Variants in LRRIQ3 observed in about 807,000 individuals in gnomAD.
LRRIQ3 encodes the protein leucine rich repeats and IQ motif containing 3, also known as leucine-rich repeat and IQ domain-containing protein 3.
In LRRIQ3, 75 loss-of-function variants were observed where a neutral mutation model predicts 59.3. That is an observed-to-expected ratio of 1.26 (90% confidence interval 1.05 to 1.53). LRRIQ3 has a LOEUF of 1.53. Among genes scored for constraint, LRRIQ3 ranks in the 40% most tolerant of loss-of-function variants. The pLI is 0.00. For synonymous variants in LRRIQ3, 250 were observed against 231.3 expected (o/e 1.08, Z -0.73); for missense variants, 831 against 710.0 (o/e 1.17, Z -1.94).
chr1:74,045,397 G>C (rs553430841), intron 6 of LRRIQ3, among the ~76,000 whole-genome samples: 1 of 152,202 alleles, frequency 6.6e-6, no homozygotes, highest in South Asian at 2.1e-4. Context: ...AAAGGCCTTC[G>C]ACAAAATTCA....
intron 4 of LRRIQ3, among the ~76,000 whole-genome samples, chr1:74,152,211 T>TA (rs1378747127): frequency 1.3e-5 from 2 of 151,830 alleles, no homozygotes; most frequent in Non-Finnish European, 2.9e-5. Context: ...AAAACTAATT[T>TA]TATATATAAA....
chr1:74,075,690 T>C (rs931384562), intron 5 of LRRIQ3, among the ~76,000 whole-genome samples: 3 of 152,052 alleles, frequency 2.0e-5, no homozygotes, highest in African/African-American at 4.8e-5. Flanking sequence ...TGTGAACTGG[T>C]TGGGATGTTT....
chr1:74,102,032 C>A (rs1372084236), intron 5 of LRRIQ3, among the ~76,000 whole-genome samples: 1 of 149,754 alleles, frequency 6.7e-6, no homozygotes, highest in African/African-American at 2.5e-5. Flanking sequence ...ACGTTGTGCA[C>A]ATGTACCCTA....
rs1441447923 is a variant in LRRIQ3 at position 74,046,163 on chromosome 1, A to G, written c.998-4230T>C. Among the ~76,000 whole-genome samples the G allele has an allele frequency of 2.6e-5, 4 of 152,140 alleles. No homozygotes were observed. In the South Asian group the frequency reaches 8.3e-4, roughly 31 times the overall value. ...CTGCATAGCCAAGACAATCCTAAGC[A>G]AAAAGAACAAAGCTGGAGGCATCAT... On this transcript the variant is annotated intron_variant, in intron 6 of 7. Coordinates refer to ENST00000354431, the MANE Select transcript of LRRIQ3 (RefSeq NM_001105659.2).
chr1:74,109,142 T>C, intron 5 of LRRIQ3: 1 of 230,416 alleles, frequency 4.3e-6, no homozygotes, highest in South Asian at 7.5e-5. Flanking sequence ...TTGTAAAAAC[T>C]AAATAAAAAA....
chr1:74,034,731 C>A (rs573539827), intron 7 of LRRIQ3, among the ~76,000 whole-genome samples: 3 of 151,370 alleles, frequency 2.0e-5, no homozygotes, highest in African/African-American at 7.3e-5. Flanking sequence ...ATTTTTCATA[C>A]GTAATAAAGT....
chr1:74,144,769 A>G (rs1478167871), intron 4 of LRRIQ3, among the ~76,000 whole-genome samples: 2 of 151,718 alleles, frequency 1.3e-5, no homozygotes, highest in African/African-American at 4.8e-5. Flanking sequence ...AGGCTATATC[A>G]GATTTTTCCT....
rs555997851 is a variant in LRRIQ3, at chr1:74,141,897, A to C, written c.707+13836T>G. ...TCATAATTTAATCCTGGAGAGATTA[A>C]ACTGAGTTACCACTTCTTCCCCTAA... On this transcript the variant is annotated intron_variant, in intron 4 of 7. Coordinates refer to ENST00000354431, the MANE Select transcript of LRRIQ3 (RefSeq NM_001105659.2). Among the ~76,000 whole-genome samples, 4 of 151,920 alleles carry C rather than the reference A, an allele frequency of 2.6e-5. No homozygotes were observed. In the East Asian group the frequency reaches 7.7e-4, roughly 29 times the overall value.
intron 4 of LRRIQ3, among the ~76,000 whole-genome samples, chr1:74,112,008 G>A (rs1646702539): frequency 6.6e-6 from 1 of 152,106 alleles, no homozygotes; most frequent in Admixed American, 6.6e-5. Flanking sequence ...TCTAATCAAG[G>A]TGCAACGGGG....
At chr1:74,171,979 T>C (rs1357029107) in intron 3 of LRRIQ3, among the ~76,000 whole-genome samples, 1 of 152,150 alleles carries the variant, frequency 6.6e-6, no homozygotes, top group African/African-American at 2.4e-5. Flanking sequence ...GTCTCTTCTT[T>C]CATTTCTGAG....
intron 7 of LRRIQ3, among the ~76,000 whole-genome samples, chr1:74,030,923 C>A (rs1483832996): frequency 1.3e-5 from 2 of 151,950 alleles, no homozygotes; most frequent in Non-Finnish European, 2.9e-5. Context: ...AAGAAAATAA[C>A]AAACAACCCC....
rs776484609 is a variant in LRRIQ3 at position 74,041,758 on chromosome 1, C to T, written c.1173G>A (p.Lys391=). Residue 391 remains lysine (K), a synonymous_variant, in exon 7 of 8, where the codon AAG becomes AAA. Coordinates refer to ENST00000354431, the MANE Select transcript of LRRIQ3 (RefSeq NM_001105659.2). ...YPQPIYTTHP[K]PIIKKDIRLE... is the part of the protein sequence containing the mutation. Reference sequence around the variant, plus strand: ...ATCGTATGTCTTTTTTAATGATTGGCTTTGGATGAGTAGTATAGATTGGCT... The same window carrying T: ...ATCGTATGTCTTTTTTAATGATTGGTTTTGGATGAGTAGTATAGATTGGCT... 6.2e-7 allele frequency: 1 copy of T among 1,613,584 alleles called. No individual in the cohort carries two copies. Among genetic ancestry groups the T allele is most frequent in the South Asian group, 1.1e-5 (1 of 91,064 alleles).
chr1:74,043,678 T>G (rs1654116060), intron 6 of LRRIQ3, among the ~76,000 whole-genome samples: 1 of 152,184 alleles, frequency 6.6e-6, no homozygotes, highest in Non-Finnish European at 1.5e-5. Flanking sequence ...TTCTCTGTTT[T>G]CAGAATCTCT....
intron 1 of LRRIQ3, among the ~76,000 whole-genome samples, chr1:74,188,168 T>G (rs1227542034): frequency 6.6e-6 from 1 of 152,130 alleles, no homozygotes; most frequent in Non-Finnish European, 1.5e-5. Context: ...AATGCAGGGA[T>G]AGAAAACCAA....
intron 6 of LRRIQ3, among the ~76,000 whole-genome samples, chr1:74,070,302 A>G (rs1262997437): frequency 6.6e-6 from 1 of 152,136 alleles, no homozygotes; most frequent in Non-Finnish European, 1.5e-5. Context: ...AGCCCCCAAA[A>G]TAATGAGATA....
chr1:74,078,766 T>C (rs2100490199), intron 5 of LRRIQ3: 1 of 151,930 alleles, frequency 6.6e-6, no homozygotes, highest in South Asian at 2.1e-4. Flanking sequence ...ATTGTGAACG[T>C]AAGCCCTATA....
At chr1:74,175,191 G>A (rs1002172601) in intron 3 of LRRIQ3, among the ~76,000 whole-genome samples, 1 of 152,154 alleles carries the variant, frequency 6.6e-6, no homozygotes, top group Non-Finnish European at 1.5e-5. Flanking sequence ...GTCAGGTGAG[G>A]CCAGCTGGTC....
chr1:74,084,046 A>G (rs1457360754), intron 5 of LRRIQ3: 3 of 781,188 alleles, frequency 3.8e-6, no homozygotes, highest in Admixed American at 7.4e-5. Context: ...TCTCTTTTCA[A>G]CTTTACACTT....
intron 5 of LRRIQ3, among the ~76,000 whole-genome samples, chr1:74,105,101 T>A (rs932289489): frequency 1.3e-5 from 2 of 152,036 alleles, no homozygotes; most frequent in African/African-American, 4.8e-5. Flanking sequence ...CGTTTTTATT[T>A]TGTAAATAAA....
Sources: allele counts gnomAD v4.1 joint callset (sites outside exome capture counted in the v4.1 genomes callset), GRCh38; gene constraint gnomAD v4.1.1; transcripts MANE v1.5; gene names NCBI Gene and HGNC (gene_info 2026-07-23, HGNC 2026-07-21).